MYOM1: variants seen among roughly 807,000 people sequenced by gnomAD.
MYOM1 encodes the protein myomesin-1.
A neutral mutation model predicts 205.3 loss-of-function variants in MYOM1; 164 were observed. The observed-to-expected ratio is 0.80, with a 90% CI of 0.70 to 0.91. MYOM1 has a LOEUF of 0.91. Ranked by LOEUF, MYOM1 falls within the 40% of genes least tolerant of loss-of-function variation. The pLI is 0.00. For synonymous variants in MYOM1, 772 were observed against 789.4 expected (o/e 0.98, Z 0.37); for missense variants, 2,011 against 2,127.3 (o/e 0.95, Z 1.08).
At chr18:3,069,405 G>C (rs1281645521) in intron 37 of MYOM1, among the ~76,000 whole-genome samples, 3 of 152,168 alleles carry the variant, frequency 2.0e-5, no homozygotes, top group African/African-American at 7.2e-5. Flanking sequence ...ACAATGTACA[G>C]AGAAAGAACA....
the MYOM1 span, among the ~76,000 whole-genome samples, chr18:3,235,352 T>C: frequency 6.6e-6 from 1 of 152,202 alleles, no homozygotes; most frequent in African/African-American, 2.4e-5. Flanking sequence ...CTGTCAGAAA[T>C]CTTGAGCTTC....
intron 19 of MYOM1, among the ~76,000 whole-genome samples, chr18:3,123,984 G>A (rs1009635984): frequency 3.3e-5 from 5 of 151,302 alleles, no homozygotes; most frequent in Non-Finnish European, 7.4e-5. Context: ...TTACACATGA[G>A]AGCCACCACT....
In MYOM1 at chr18:3,175,265, A is replaced by G. The variant is rs575280583; in HGVS notation, c.1022+777T>C. ...TCATTTGGCCAACTCCTCTGATCTG[A>G]GGAGAAGGCTATAAGTCTCCTGAGA... On this transcript the variant is annotated intron_variant, in intron 6 of 37. Coordinates refer to ENST00000356443, the MANE Select transcript of MYOM1 (RefSeq NM_003803.4). Among the ~76,000 whole-genome samples the G allele has an allele frequency of 7.2e-5, 11 of 152,266 alleles. No homozygotes were observed. In the Middle Eastern group the frequency reaches 0.01, roughly 141 times the overall value.
chr18:3,067,289 G>A lies in MYOM1; in HGVS notation c.5031C>T (p.Ser1677=). ...ACTTGGCCTTCTTGCCACCTTTCAG[G>A]GACTCCAAGGCGGCCATCCTCGCCT... ...EEEARMAALE[S]LKGGKKAK Residue 1677 remains serine (S), a synonymous_variant, in exon 38 of 38, where the codon TCC becomes TCT. Coordinates refer to ENST00000356443, the MANE Select transcript of MYOM1 (RefSeq NM_003803.4). 3 of 1,607,750 alleles carry A rather than the reference G, an allele frequency of 1.9e-6. No homozygotes were observed. Among genetic ancestry groups the A allele is most frequent in the African/African-American group, 1.3e-5 (1 of 74,868 alleles).
upstream of MYOM1, among the ~76,000 whole-genome samples, chr18:3,224,028 A>ATT (rs550455569): frequency 3.0e-3 from 415 of 138,660 alleles, 2 homozygotes; most frequent in African/African-American, 9.6e-3. Context: ...CTAACATTAG[A>ATT]TTTTTTTTTT....
chr18:3,160,858 G>A (rs1038487082), intron 10 of MYOM1, among the ~76,000 whole-genome samples: 7 of 152,158 alleles, frequency 4.6e-5, no homozygotes, highest in African/African-American at 1.7e-4. Flanking sequence ...TCCATAGTTA[G>A]TAACGTGGAG....
intron 37 of MYOM1, 47 bp from the exon 38 acceptor site, chr18:3,067,602 T>C: frequency 6.4e-7 from 1 of 1,572,080 alleles, no homozygotes; most frequent in South Asian, 1.2e-5. Context: ...TTAGATGTAA[T>C]AGACACACTG....
chr18:3,181,216 A>G (rs11081023), intron 5 of MYOM1, among the ~76,000 whole-genome samples: 3,039 of 152,234 alleles, frequency 0.02, 98 homozygotes, highest in African/African-American at 0.069. Context: ...ATGAACCACC[A>G]CGCCCGGCCA....
At chr18:3,088,942 T>C (rs976881560) in intron 29 of MYOM1, among the ~76,000 whole-genome samples, 3 of 152,262 alleles carry the variant, frequency 2.0e-5, no homozygotes. Context: ...AGGGTGTTAC[T>C]AACTAGATCA....
rs778330937 is a variant in MYOM1, at chr18:3,185,222, T to C, written c.929+2258A>G. Reference sequence around the variant, plus strand: ...ACATCACTTTTGCTTAATAACACCATCAGCGGTATGTGGCCGGGTTTTTAT... The same window carrying C: ...ACATCACTTTTGCTTAATAACACCACCAGCGGTATGTGGCCGGGTTTTTAT... On this transcript the variant is annotated intron_variant, in intron 5 of 37. Transcript: ENST00000356443. 3.0e-4 allele frequency among the ~76,000 whole-genome samples: 45 copies of C among 152,240 alleles called. 1 individual carries two copies. Among genetic ancestry groups the C allele is most frequent in the Non-Finnish European group, 6.5e-4 (44 of 68,040 alleles).
intron 33 of MYOM1, among the ~76,000 whole-genome samples, chr18:3,080,163 A>G (rs2079067951): frequency 6.6e-6 from 1 of 152,174 alleles, no homozygotes; most frequent in Non-Finnish European, 1.5e-5. Context: ...ATGACGTTAA[A>G]AAGTGGTATA....
intron 10 of MYOM1, among the ~76,000 whole-genome samples, chr18:3,156,350 G>C (rs2080302659): frequency 6.6e-6 from 1 of 152,130 alleles, no homozygotes; most frequent in Non-Finnish European, 1.5e-5. Context: ...GAGTTACAAG[G>C]ACATTTGATA....
At chr18:3,146,950 C>T (rs2080131488) in intron 13 of MYOM1, among the ~76,000 whole-genome samples, 1 of 150,014 alleles carries the variant, frequency 6.7e-6, no homozygotes, top group Non-Finnish European at 1.5e-5. Flanking sequence ...AATCAATATA[C>T]AAAAATCAAT....
chr18:3,148,170 G>A (rs554236465), intron 13 of MYOM1, among the ~76,000 whole-genome samples: 4 of 152,314 alleles, frequency 2.6e-5, no homozygotes, highest in South Asian at 2.1e-4. Context: ...TCAGAAAACA[G>A]CTGGCAGTTC....
intron 33 of MYOM1, among the ~76,000 whole-genome samples, chr18:3,080,182 C>T (rs7239425): frequency 0.14 from 20,571 of 151,920 alleles, 1,684 homozygotes; most frequent in African/African-American, 0.23. Context: ...TATAAAATGA[C>T]GTTATTATAG....
rs2081168784 is a variant in MYOM1 at position 3,209,751 on chromosome 18, C to A, written c.290+5183G>T. ...CTTCTTTGCTCAGATATCACCTTCT[C>A]AACAAGGCCTGACTGCCCTCTTGAA... is the stretch of plus-strand genomic sequence containing the variant. On this transcript the variant is annotated intron_variant, in intron 2 of 37. Transcript: ENST00000356443. This position sits in a 1 kb window ranked among gnomAD's most constrained non-coding sequence, Gnocchi z 4.0. Among the ~76,000 whole-genome samples the A allele has an allele frequency of 6.6e-6, 1 of 152,214 alleles. No homozygotes were observed. The highest frequency in any genetic ancestry group is 2.1e-4 in the South Asian group (1 of 4,836).
At chr18:3,181,553 C>G (rs1201606421) in intron 5 of MYOM1, among the ~76,000 whole-genome samples, 3 of 151,972 alleles carry the variant, frequency 2.0e-5, no homozygotes, top group Non-Finnish European at 2.9e-5. Context: ...TGAAAATAAA[C>G]TCAATGCATG....
At chr18:3,131,305 G>T in intron 17 of MYOM1, 70 bp downstream of exon 17, 1 of 1,541,522 alleles carries the variant, frequency 6.5e-7, no homozygotes, top group Non-Finnish European at 8.9e-7. Flanking sequence ...TTTCTGGAGA[G>T]GATGGTATCT....
chr18:3,193,628 T>A (rs2080950754), intron 3 of MYOM1, among the ~76,000 whole-genome samples, 190 bp downstream of exon 3: 1 of 152,142 alleles, frequency 6.6e-6, no homozygotes, highest in South Asian at 2.1e-4. Context: ...CTTCCTCAGA[T>A]CTGAATCAGT....
Sources: allele counts gnomAD v4.1 joint callset (sites outside exome capture counted in the v4.1 genomes callset), GRCh38; gene constraint gnomAD v4.1.1; non-coding constraint Gnocchi (gnomAD v3.1); transcripts MANE v1.5; gene names NCBI Gene and HGNC (gene_info 2026-07-23, HGNC 2026-07-21).